CNTNAP2: variants seen among roughly 807,000 people sequenced by gnomAD.
CNTNAP2 encodes the protein contactin-associated protein-like 2.
A neutral mutation model predicts 155.2 loss-of-function variants in CNTNAP2; 98 were observed. The ratio of observed to expected loss-of-function variants is 0.63; its 90% CI spans 0.54 to 0.75. The LOEUF is 0.75. Ranked by LOEUF, CNTNAP2 falls within the 30% of genes least tolerant of loss-of-function variation. CNTNAP2 has a pLI of 0.00. For synonymous variants in CNTNAP2, 651 were observed against 631.2 expected (o/e 1.03, Z -0.47); for missense variants, 1,727 against 1,688.1 (o/e 1.02, Z -0.40).
At chr7:146,619,111 A>T (rs1799276601) in intron 1 of CNTNAP2, among the ~76,000 whole-genome samples, 1 of 152,062 alleles carries the variant, frequency 6.6e-6, no homozygotes, top group Non-Finnish European at 1.5e-5. Flanking sequence ...AAATAATAAA[A>T]AAGTCACTTT....
chr7:148,023,772 T>C (rs6949561), intron 15 of CNTNAP2, among the ~76,000 whole-genome samples: 111,877 of 152,052 alleles, frequency 0.74, 41,737 homozygotes, highest in East Asian at 0.86. Flanking sequence ...ACACATCAAT[T>C]TTTATACCAA....
intron 1 of CNTNAP2, among the ~76,000 whole-genome samples, chr7:146,188,196 G>T (rs1470587551): frequency 6.6e-6 from 1 of 152,086 alleles, no homozygotes; most frequent in Non-Finnish European, 1.5e-5. Flanking sequence ...ATTCCATAAG[G>T]AATCTGATGA....
At chr7:148,333,875 G>C (rs1322727248) in intron 21 of CNTNAP2, among the ~76,000 whole-genome samples, 2 of 152,192 alleles carry the variant, frequency 1.3e-5, no homozygotes, top group African/African-American at 4.8e-5. Flanking sequence ...CTACAAGTGA[G>C]GACACTGGAG....
At position 147,096,059 on chromosome 7, in the gene CNTNAP2, C is replaced by T. The variant is rs140592030; in HGVS notation, c.551-12088C>T. Among the ~76,000 whole-genome samples, 376 of 152,164 alleles carry T rather than the reference C, an allele frequency of 2.5e-3. 1 individual carries two copies. The highest frequency in any genetic ancestry group is 3.7e-3 in the African/African-American group (152 of 41,508). ...TGATTTAGCATTAATCATGTTGTTTCCTACAGAATTTACCTTTTGAAAAAT... is the reference window on the plus strand; with the variant it reads ...TGATTTAGCATTAATCATGTTGTTTTCTACAGAATTTACCTTTTGAAAAAT... On this transcript the variant is annotated intron_variant, in intron 4 of 23. Coordinates refer to ENST00000361727, the MANE Select transcript of CNTNAP2 (RefSeq NM_014141.6).
intron 15 of CNTNAP2, among the ~76,000 whole-genome samples, chr7:147,981,786 G>GGTATGTGTGTGTGT (rs1483366188): frequency 2.4e-3 from 341 of 143,776 alleles, no homozygotes; most frequent in African/African-American, 8.5e-3. Context: ...TGTCCTTACA[G>GGTATGTGTGTGTGT]GTGTGTGTGT....
intron 15 of CNTNAP2, among the ~76,000 whole-genome samples, chr7:148,080,604 C>CAAAAA (rs199500286): frequency 1.7e-3 from 113 of 68,104 alleles, no homozygotes; most frequent in East Asian, 2.6e-3. Flanking sequence ...GACTCCATCT[C>CAAAAA]AAAAAAAAAA....
intron 14 of CNTNAP2, among the ~76,000 whole-genome samples, chr7:147,922,291 TTG>T (rs1444118529): frequency 6.6e-6 from 1 of 152,228 alleles, no homozygotes; most frequent in African/African-American, 2.4e-5. Context: ...TGAATTGGTT[TTG>T]TGTTGACTGT....
At chr7:147,506,396 C>T (rs940580429) in intron 11 of CNTNAP2, among the ~76,000 whole-genome samples, 1 of 152,130 alleles carries the variant, frequency 6.6e-6, no homozygotes, top group Admixed American at 6.5e-5. Flanking sequence ...GCTGGGATTA[C>T]AGGCATGCAC....
intron 10 of CNTNAP2, among the ~76,000 whole-genome samples, chr7:147,443,970 T>G (rs1797687454): frequency 6.6e-6 from 1 of 152,192 alleles, no homozygotes; most frequent in South Asian, 2.1e-4. Context: ...GCTTTCATTC[T>G]TCTTTGGATC....
chr7:147,165,086 T>C (rs1023812377), intron 8 of CNTNAP2, among the ~76,000 whole-genome samples: 1 of 152,176 alleles, frequency 6.6e-6, no homozygotes, highest in Non-Finnish European at 1.5e-5. Context: ...GATCCTGATA[T>C]AGATCCCTAT....
At chr7:146,281,734 G>A (rs1800254851) in intron 1 of CNTNAP2, among the ~76,000 whole-genome samples, 1 of 151,750 alleles carries the variant, frequency 6.6e-6, no homozygotes, top group South Asian at 2.1e-4. Context: ...GGTGGAGGTT[G>A]CAGTGAGCCA....
At chr7:148,147,770 CAAAAA>C in intron 17 of CNTNAP2, 61 bp downstream of exon 17, 1 of 1,237,010 alleles carries the variant, frequency 8.1e-7, no homozygotes, top group South Asian at 1.4e-5. Flanking sequence ...CTGCACAATA[CAAAAA>C]AAAAAAAAAA....
At chr7:146,288,907 C>T (rs1276222600) in intron 1 of CNTNAP2, among the ~76,000 whole-genome samples, 2 of 144,244 alleles carry the variant, frequency 1.4e-5, no homozygotes, top group African/African-American at 2.6e-5. Flanking sequence ...CAGGTTCAAG[C>T]GATTCTCCTG....
intron 10 of CNTNAP2, among the ~76,000 whole-genome samples, chr7:147,464,706 A>G (rs1798083908): frequency 6.6e-6 from 1 of 152,196 alleles, no homozygotes; most frequent in African/African-American, 2.4e-5. Context: ...ACAGATGTGG[A>G]TTTTACAATT....
At chr7:147,526,020 C>G (rs953137062) in intron 11 of CNTNAP2, among the ~76,000 whole-genome samples, 2 of 151,666 alleles carry the variant, frequency 1.3e-5, no homozygotes, top group Non-Finnish European at 2.9e-5. Flanking sequence ...TGGTGAAACC[C>G]CATCTGTACT....
intron 15 of CNTNAP2, among the ~76,000 whole-genome samples, chr7:148,105,398 C>G (rs555052818): frequency 6.6e-6 from 1 of 152,212 alleles, no homozygotes; most frequent in African/African-American, 2.4e-5. Context: ...ACAATGGTAG[C>G]TGCATGTTGC....
intron 1 of CNTNAP2, among the ~76,000 whole-genome samples, chr7:146,610,699 G>A (rs1799122532): frequency 1.3e-5 from 2 of 152,016 alleles, no homozygotes; most frequent in Non-Finnish European, 2.9e-5. Context: ...ACTTCTAATG[G>A]TTCCGGTTGT....
chr7:146,406,221 T>C (rs950508939), intron 1 of CNTNAP2, among the ~76,000 whole-genome samples: 2 of 152,206 alleles, frequency 1.3e-5, no homozygotes, highest in South Asian at 4.1e-4. Context: ...TGACTCTTCA[T>C]AAATATGCAG....
intron 3 of CNTNAP2, among the ~76,000 whole-genome samples, chr7:146,887,680 G>A (rs950005966): frequency 6.6e-6 from 1 of 151,756 alleles, no homozygotes; most frequent in Non-Finnish European, 1.5e-5. Flanking sequence ...TAATTGCCTT[G>A]TCAAAACAAA....
Sources: allele counts gnomAD v4.1 joint callset (sites outside exome capture counted in the v4.1 genomes callset), GRCh38; gene constraint gnomAD v4.1.1; transcripts MANE v1.5; gene names NCBI Gene and HGNC (gene_info 2026-07-23, HGNC 2026-07-21).